The following GPHN variants were observed in gnomAD, a reference collection of about 807,000 sequenced individuals.
The protein encoded by GPHN is gephyrin.
GPHN carries 17 observed loss-of-function variants against 95.5 expected under a neutral mutation model. The observed-to-expected ratio is 0.18, with a 90% confidence interval of 0.12 to 0.27. GPHN has a LOEUF of 0.27. Ranked by LOEUF, GPHN falls within the 10% of genes least tolerant of loss-of-function variation. The pLI is 1.00. For missense variants in GPHN, 660 were observed against 978.1 expected (o/e 0.67, Z 4.34); for synonymous variants, 320 against 322.5 (o/e 0.99, Z 0.08).
At chr14:67,241,522 C>G in the GPHN span, 1 of 152,324 alleles carries the variant, frequency 6.6e-6, no homozygotes, top group Admixed American at 6.6e-5. Context: ...TCCGCGGAGC[C>G]GAGGCGTGGA....
At chr14:67,475,916 G>A in the GPHN span, among the ~76,000 whole-genome samples, 1 of 152,258 alleles carries the variant, frequency 6.6e-6, no homozygotes, top group African/African-American at 2.4e-5. Context: ...ACTCCTTGAG[G>A]ATAGTGACTG....
chr14:66,909,967 T>C (rs993355566), intron 5 of GPHN, among the ~76,000 whole-genome samples: 1 of 151,972 alleles, frequency 6.6e-6, no homozygotes, highest in East Asian at 1.9e-4. Context: ...AATTTCATAT[T>C]TACTGTTTAT....
intron 9 of GPHN, among the ~76,000 whole-genome samples, chr14:67,018,512 G>A (rs994111026): frequency 2.6e-5 from 4 of 152,192 alleles, no homozygotes; most frequent in Non-Finnish European, 2.9e-5. Context: ...TTCTAGAGGA[G>A]CTGGTTGAGA....
At chr14:67,439,815 C>G in the GPHN span, among the ~76,000 whole-genome samples, 1 of 151,734 alleles carries the variant, frequency 6.6e-6, no homozygotes, top group Non-Finnish European at 1.5e-5. Flanking sequence ...GTCCTTTCTT[C>G]TCTTCTCTTC....
chr14:67,439,565 C>CT, the GPHN span, among the ~76,000 whole-genome samples: 4 of 124,474 alleles, frequency 3.2e-5, no homozygotes, highest in African/African-American at 1.3e-4. Flanking sequence ...TTCTTTCTTT[C>CT]TTTCTTTCTT....
At chr14:66,887,151 C>G (rs1304764515) in intron 5 of GPHN, among the ~76,000 whole-genome samples, 2 of 152,168 alleles carry the variant, frequency 1.3e-5, no homozygotes, top group African/African-American at 4.8e-5. Flanking sequence ...TAACCTGAAC[C>G]TACCCTGCTG....
intron 2 of GPHN, among the ~76,000 whole-genome samples, chr14:66,764,863 A>T (rs910210229): frequency 6.6e-6 from 1 of 152,138 alleles, no homozygotes; most frequent in Non-Finnish European, 1.5e-5. Context: ...TTGACTTTTT[A>T]AAAACTTTTT....
At chr14:67,494,115 T>A in the GPHN span, among the ~76,000 whole-genome samples, 2 of 152,140 alleles carry the variant, frequency 1.3e-5, no homozygotes, top group Non-Finnish European at 2.9e-5. Flanking sequence ...CTCAGCCCCT[T>A]ACTGGACAGC....
At chr14:66,793,956 A>G (rs1417695550) in intron 3 of GPHN, among the ~76,000 whole-genome samples, 1 of 152,202 alleles carries the variant, frequency 6.6e-6, no homozygotes, top group Non-Finnish European at 1.5e-5. Context: ...ATGTGAATGG[A>G]TTTAACAATT....
chr14:67,364,538 G>C, the GPHN span: 1 of 426,902 alleles, frequency 2.3e-6, no homozygotes, highest in Non-Finnish European at 4.2e-6. Context: ...TAAAGGCAGA[G>C]AATCACCCAA....
At chr14:67,521,129 G>A in the GPHN span, among the ~76,000 whole-genome samples, 25 of 152,222 alleles carry the variant, frequency 1.6e-4, no homozygotes, top group Non-Finnish European at 3.2e-4. Flanking sequence ...AGGACAGGAA[G>A]ATGTAGATTG....
the GPHN span, chr14:67,729,351 C>T: frequency 6.3e-7 from 1 of 1,598,160 alleles, no homozygotes. Context: ...TGGCTGAGGG[C>T]CTGGAGCCCC....
At chr14:67,563,438 G>T in the GPHN span, among the ~76,000 whole-genome samples, 13 of 151,598 alleles carry the variant, frequency 8.6e-5, no homozygotes, top group South Asian at 2.5e-3. Context: ...TTTTTTTGGG[G>T]GGTGGGGGTG....
chr14:67,121,681 A>G (rs1247329997), intron 16 of GPHN, among the ~76,000 whole-genome samples: 1 of 152,212 alleles, frequency 6.6e-6, no homozygotes, highest in Non-Finnish European at 1.5e-5. Context: ...TCAGTTCAGA[A>G]TAATGGAATT....
At chr14:67,401,329 A>AAAAT in the GPHN span, among the ~76,000 whole-genome samples, 10 of 152,064 alleles carry the variant, frequency 6.6e-5, no homozygotes, top group Admixed American at 6.5e-4. Context: ...TCTATTAATA[A>AAAAT]AAATAAATAA....
At chr14:67,004,956 C>T (rs903894914) in intron 9 of GPHN, among the ~76,000 whole-genome samples, 4 of 151,594 alleles carry the variant, frequency 2.6e-5, no homozygotes, top group East Asian at 1.9e-4. Flanking sequence ...ATCATTTAAT[C>T]GGCTTTATTG....
chr14:67,494,331 G>A, the GPHN span, among the ~76,000 whole-genome samples: 1 of 152,234 alleles, frequency 6.6e-6, no homozygotes, highest in Non-Finnish European at 1.5e-5. Context: ...ACCAGCCTGA[G>A]AAAGGCCGAG....
intron 1 of GPHN, among the ~76,000 whole-genome samples, chr14:66,521,186 T>C (rs902326188): frequency 7.9e-5 from 12 of 152,188 alleles, no homozygotes; most frequent in South Asian, 2.1e-4. Context: ...TGTGTCTTTA[T>C]GGTAGAATGA....
the GPHN span, among the ~76,000 whole-genome samples, chr14:67,728,843 T>G: frequency 6.6e-6 from 1 of 152,026 alleles, no homozygotes; most frequent in Non-Finnish European, 1.5e-5. Flanking sequence ...CCTAAACTCC[T>G]CCTTTAGAAA....
Sources: gnomAD v4.1 joint callset for allele counts (sites outside exome capture counted in the v4.1 genomes callset) on GRCh38, gnomAD v4.1.1 for gene constraint, MANE v1.5 for transcripts, NCBI Gene and HGNC (gene_info 2026-07-23, HGNC 2026-07-21) for gene names.